The following CPNE4 variants were observed in gnomAD, a reference collection of about 807,000 sequenced individuals.
The protein encoded by CPNE4 is copine-4.
Under a neutral mutation model 67.9 loss-of-function variants are expected in CPNE4, and 25 were observed. The observed-to-expected ratio is 0.37, with a 90% CI of 0.27 to 0.51. CPNE4 has a LOEUF of 0.51. Ranked by LOEUF, CPNE4 falls within the 20% of genes least tolerant of loss-of-function variation. CPNE4 has a pLI of 0.93. For synonymous variants in CPNE4, 242 were observed against 244.9 expected, an observed-to-expected ratio of 0.99 and a Z score of 0.11; for missense variants, 464 against 690.8, an observed-to-expected ratio of 0.67 and a Z score of 3.68.
At chr3:131,999,292 A>G (rs191565510) in intron 1 of CPNE4, among the ~76,000 whole-genome samples, 4 of 149,302 alleles carry the variant, frequency 2.7e-5, no homozygotes, top group Non-Finnish European at 4.5e-5. Context: ...AATGTGTATG[A>G]ATAGCAGCCT....
chr3:131,883,825 T>G (rs904664563), intron 2 of CPNE4, among the ~76,000 whole-genome samples: 1 of 152,234 alleles, frequency 6.6e-6, no homozygotes, highest in Non-Finnish European at 1.5e-5. Context: ...CTACAACTTT[T>G]TCATCTTGCA....
chr3:131,631,940 G>C (rs1230227198), intron 7 of CPNE4, among the ~76,000 whole-genome samples: 4 of 147,656 alleles, frequency 2.7e-5, no homozygotes, highest in African/African-American at 1.0e-4. Context: ...CTGTCGCCCA[G>C]GCTGGAGTGC....
intron 1 of CPNE4, among the ~76,000 whole-genome samples, chr3:131,988,190 C>A (rs1459704419): frequency 6.6e-6 from 1 of 151,990 alleles, no homozygotes; most frequent in African/African-American, 2.4e-5. Context: ...GCTATAAGAA[C>A]AGGGTGAAGT....
chr3:131,943,901 T>C (rs1210990963), intron 1 of CPNE4, among the ~76,000 whole-genome samples: 2 of 152,134 alleles, frequency 1.3e-5, no homozygotes, highest in Admixed American at 6.6e-5. Flanking sequence ...CCCCTGCCTT[T>C]GCAGAAGTTT....
At position 131,989,690 on chromosome 3, in the gene CPNE4, C is replaced by A. The variant is rs1023619064; in HGVS notation, c.-2+44877G>T. ...GGAGACAAGAAAGCGCTTATTAAAA[C>A]AATGTAATTTGAGGTGGTGATAGGT... On this transcript the variant is annotated intron_variant, in intron 1 of 15. Transcript: ENST00000429747. Among the ~76,000 whole-genome samples, 2 of 136,650 alleles carry A rather than the reference C, an allele frequency of 1.5e-5. 1 individual carries two copies. Among genetic ancestry groups the A allele is most frequent in the Admixed American group, 1.6e-4 (2 of 12,180 alleles). The allele number at this position is 136,650 out of a possible 152,430, so 89.6% of individuals were successfully genotyped here. A position where few individuals can be genotyped will look rare whatever the true frequency, so the allele number is the denominator to read the frequency against.
At chr3:131,722,756 T>C (rs1236430127) in intron 3 of CPNE4, among the ~76,000 whole-genome samples, 1 of 152,184 alleles carries the variant, frequency 6.6e-6, no homozygotes, top group Non-Finnish European at 1.5e-5. Context: ...TTACTGCATT[T>C]CTGGGTACAA....
At chr3:131,581,817 G>A in intron 8 of CPNE4, 152 bp from the exon 9 acceptor site, 1 of 627,512 alleles carries the variant, frequency 1.6e-6, no homozygotes, top group Middle Eastern at 3.0e-4. Flanking sequence ...GGAGCAATAG[G>A]GGGAGTGGTT....
chr3:131,965,145 A>C (rs1283868685), intron 1 of CPNE4, among the ~76,000 whole-genome samples: 1 of 152,228 alleles, frequency 6.6e-6, no homozygotes, highest in Non-Finnish European at 1.5e-5. Flanking sequence ...ACAAAGGAGA[A>C]ATAAAATCCT....
chr3:131,592,188 A>AAAG (rs1426211838), intron 7 of CPNE4, among the ~76,000 whole-genome samples: 1 of 152,218 alleles, frequency 6.6e-6, no homozygotes, highest in African/African-American at 2.4e-5. Flanking sequence ...TAATAGTTAA[A>AAAG]AAGTATATAG....
chr3:132,031,872 G>A (rs780538932), intron 1 of CPNE4, among the ~76,000 whole-genome samples: 1 of 151,946 alleles, frequency 6.6e-6, no homozygotes, highest in Admixed American at 6.5e-5. Context: ...ATAATAATGG[G>A]CTTGAATAAT....
At chr3:131,898,503 G>A (rs1188999287) in intron 2 of CPNE4, among the ~76,000 whole-genome samples, 1 of 152,106 alleles carries the variant, frequency 6.6e-6, no homozygotes, top group Admixed American at 6.6e-5. Flanking sequence ...AGGCAACACA[G>A]ATTTCAATTC....
chr3:131,560,850 G>T (rs575456178), intron 11 of CPNE4, among the ~76,000 whole-genome samples: 1 of 152,158 alleles, frequency 6.6e-6, no homozygotes, highest in East Asian at 1.9e-4. Context: ...AGAGATTCTG[G>T]GGTGGGGTGC....
intron 2 of CPNE4, among the ~76,000 whole-genome samples, chr3:131,735,198 A>G (rs1169347637): frequency 1.3e-5 from 2 of 152,236 alleles, no homozygotes; most frequent in African/African-American, 2.4e-5. Context: ...AAGCAACCCT[A>G]TGGAACTAGG....
intron 7 of CPNE4, among the ~76,000 whole-genome samples, chr3:131,593,705 T>G (rs1352270069): frequency 6.6e-6 from 1 of 151,850 alleles, no homozygotes; most frequent in African/African-American, 2.4e-5. Context: ...GACTATGGTT[T>G]GTTTGTTTGT....
At chr3:131,981,594 C>CG (rs1201694588) in intron 1 of CPNE4, among the ~76,000 whole-genome samples, 1 of 152,120 alleles carries the variant, frequency 6.6e-6, no homozygotes, top group African/African-American at 2.4e-5. Context: ...TGCCCTCCCC[C>CG]GAGTTCTGGC....
chr3:131,592,215 G>A (rs1938574326), intron 7 of CPNE4, among the ~76,000 whole-genome samples: 1 of 152,136 alleles, frequency 6.6e-6, no homozygotes, highest in African/African-American at 2.4e-5. Flanking sequence ...CTATGTGCCA[G>A]ACATTGTTCA....
chr3:131,549,126 AAAG>A (rs1423829046), intron 14 of CPNE4, among the ~76,000 whole-genome samples: 1 of 152,160 alleles, frequency 6.6e-6, no homozygotes, highest in East Asian at 1.9e-4. Flanking sequence ...CAAGTACACA[AAAG>A]AAGATGTTGA....
At chr3:131,923,653 C>T (rs553216329) in intron 1 of CPNE4, among the ~76,000 whole-genome samples, 24 of 128,080 alleles carry the variant, frequency 1.9e-4, no homozygotes, top group Admixed American at 5.0e-4. Context: ...TGCAGTGAGC[C>T]GAGATTATGC....
intron 2 of CPNE4, among the ~76,000 whole-genome samples, chr3:131,761,335 C>T (rs1259993789): frequency 6.6e-6 from 1 of 151,324 alleles, no homozygotes; most frequent in Non-Finnish European, 1.5e-5. Flanking sequence ...CCCACCTAAG[C>T]CTGCTTAGTA....
Sources: allele counts gnomAD v4.1 joint callset (sites outside exome capture counted in the v4.1 genomes callset), GRCh38; gene constraint gnomAD v4.1.1; transcripts MANE v1.5; gene names NCBI Gene and HGNC (gene_info 2026-07-23, HGNC 2026-07-21).